Variants in FTCD observed in about 807,000 individuals in gnomAD.
FTCD encodes the protein formimidoyltransferase-cyclodeaminase.
Under a neutral mutation model 62.9 loss-of-function variants are expected in FTCD, and 76 were observed. The ratio of observed to expected loss-of-function variants is 1.21; its 90% CI spans 1.00 to 1.46. The LOEUF is 1.46. Among genes scored for constraint, FTCD ranks in the 40% most tolerant of loss-of-function variants. The pLI is 0.00. For synonymous variants in FTCD, 397 were observed against 336.9 expected (o/e 1.18, Z -1.95); for missense variants, 845 against 751.3 (o/e 1.12, Z -1.46).
intron 3 of FTCD, chr21:46,152,549 T>G (rs1201807564): frequency 8.8e-6 from 2 of 226,582 alleles, no homozygotes; most frequent in Non-Finnish European, 1.7e-5. Flanking sequence ...TGGTGCAGCC[T>G]AGGGGTGGGT....
At chr21:46,142,605 C>T (rs1198778663) in intron 10 of FTCD, 1 of 152,264 alleles carries the variant, frequency 6.6e-6, no homozygotes, top group African/African-American at 2.4e-5. Context: ...TGTTACAGGT[C>T]GTAAAGGTAG....
At chr21:46,138,761 C>T in intron 11 of FTCD, 115 bp from the exon 12 acceptor site, 1 of 1,453,728 alleles carries the variant, frequency 6.9e-7, no homozygotes, top group Non-Finnish European at 9.6e-7. Flanking sequence ...GAAGTCATTC[C>T]CAAACACCCA....
Position 46,143,710 on chromosome 21 carries a change from C to A in FTCD, c.1260+1707G>T, listed in dbSNP as rs138428420. On this transcript the variant is annotated intron_variant, in intron 10 of 13. Coordinates refer to ENST00000397746, the MANE Select transcript of FTCD (RefSeq NM_206965.2). ...CTCCTTGGTCTAGCGGTAAGGCCAGCGTCTGGGAAGGCGCCCGTTACCAAG... is the reference window on the plus strand; with the variant it reads ...CTCCTTGGTCTAGCGGTAAGGCCAGAGTCTGGGAAGGCGCCCGTTACCAAG... Among the ~76,000 whole-genome samples the A allele has an allele frequency of 4.6e-3, 695 of 152,278 alleles. 5 individuals are homozygous for A. The highest frequency in any genetic ancestry group is 0.016 in the African/African-American group (667 of 41,546).
Position 46,154,306 on chromosome 21 carries a change from G to A in FTCD, c.81C>T (p.Ile27=). The A allele has an allele frequency of 1.2e-6, 2 of 1,611,360 alleles. No individual in the cohort carries two copies. Among genetic ancestry groups the A allele is most frequent in the Non-Finnish European group, 1.7e-6 (2 of 1,179,648 alleles). The change falls in exon 2 of 14, where the codon ATC becomes ATT. Residue 27 remains isoleucine, a synonymous_variant. Coordinates refer to ENST00000397746, the MANE Select transcript of FTCD (RefSeq NM_206965.2). ...GCAGCACGCAGCCCGGGGTCTGTGT[G>A]ATGGCTCCAGAGATGGCGTCGATCA... ...QEVIDAISGA[I]TQTPGCVLLD... is the part of the protein sequence containing the mutation.
At position 46,147,354 on chromosome 21, in the gene FTCD, C is replaced by T. The variant is rs141064386; in HGVS notation, c.907-1027G>A. ...CACCCTGACAGGGCTGCAGGCCTCA[C>T]CCGACACCGAATTCACTCTTGTGTG... On this transcript the variant is annotated intron_variant, in intron 7 of 13. Coordinates refer to ENST00000397746, the MANE Select transcript of FTCD (RefSeq NM_206965.2). 2.3e-3 allele frequency among the ~76,000 whole-genome samples: 349 copies of T among 152,138 alleles called. 2 individuals are homozygous for T. Among genetic ancestry groups the T allele is most frequent in the African/African-American group, 7.6e-3 (315 of 41,486 alleles).
At chr21:46,149,811 G>A (rs1475786439) in intron 7 of FTCD, among the ~76,000 whole-genome samples, 2 of 152,282 alleles carry the variant, frequency 1.3e-5, no homozygotes, top group South Asian at 2.1e-4. Context: ...AGGACGCCCC[G>A]ATGGAGGTGG....
At chr21:46,152,056 G>C in intron 3 of FTCD, 76 bp from the exon 4 acceptor site, 1 of 1,052,056 alleles carries the variant, frequency 9.5e-7, no homozygotes, top group Non-Finnish European at 1.4e-6. Context: ...GCAGGTGGAG[G>C]GGCTCCCTCC....
At chr21:46,145,011 C>G (rs974703705) in intron 10 of FTCD, among the ~76,000 whole-genome samples, 2 of 152,044 alleles carry the variant, frequency 1.3e-5, no homozygotes, top group African/African-American at 4.8e-5. Context: ...TCTGGCCTGC[C>G]TGAGAGCACT....
chr21:46,144,869 C>T (rs1316122607), intron 10 of FTCD, among the ~76,000 whole-genome samples: 1 of 150,680 alleles, frequency 6.6e-6, no homozygotes, highest in African/African-American at 2.4e-5. Flanking sequence ...CAGCACCCAT[C>T]TGTGGGCACA....
At position 46,137,274 on chromosome 21, in the gene FTCD, G is replaced by C; in HGVS notation, c.1504C>G (p.Leu502Val). Reference protein sequence around the residue: ...FGAYFNVLINLRDITDEAFKD... With the variant: ...FGAYFNVLINVRDITDEAFKD... Reference sequence around the variant, plus strand: ...AATGCCTCGTCTGTGATGTCCCTCAGGTTGATGAGCACGTTGAAATATGCG... The same window carrying C: ...AATGCCTCGTCTGTGATGTCCCTCACGTTGATGAGCACGTTGAAATATGCG... Residue 502 changes from leucine (L) to valine (V), a missense_variant, in exon 13 of 14, where the codon CTG (leucine) becomes GTG (valine). Transcript: ENST00000397746. The C allele has an allele frequency of 6.2e-7, 1 of 1,613,710 alleles. No homozygotes were observed. Among genetic ancestry groups the C allele is most frequent in the East Asian group, 2.2e-5 (1 of 44,880 alleles).
Position 46,152,916 on chromosome 21 carries a change from C to T in FTCD, c.358G>A (p.Asp120Asn), listed in dbSNP as rs1278851273. The change falls in exon 3 of 14, where the codon GAC becomes AAC. Residue 120 changes from aspartate to asparagine, a missense_variant. Physicochemically the swap from Asp to Asn is conservative, Grantham distance 23. Transcript: ENST00000397746. The part of the protein sequence containing the change: ...AFGQRLAEEL[D>N]VPVYLYGEAA... ...GGGGGGGCACGCTCACCTGGCACGT[C>T]CAGCTCCTCTGCCAGCCTCTGGCCA... is the stretch of plus-strand genomic sequence containing the variant. 4.5e-6 allele frequency: 7 copies of T among 1,570,668 alleles called. No individual in the cohort carries two copies. The highest frequency in any genetic ancestry group is 5.2e-6 in the Non-Finnish European group (6 of 1,158,454).
At position 46,138,635 on chromosome 21, in the gene FTCD, G is replaced by A. The variant is rs2078924875; in HGVS notation, c.1316C>T (p.Ala439Val). 1.3e-6 allele frequency: 2 copies of A among 1,594,392 alleles called. No individual in the cohort carries two copies. The highest frequency in any genetic ancestry group is 1.7e-6 in the Non-Finnish European group (2 of 1,177,414). ...TPEEKDRRTA[A>V]LQEGLRRAVS... ...TGCCCGCCTCAGACCCTCCTGTAGG[G>A]CCGCCGTGCGCCTGAAAGGAGCAAG... Residue 439 changes from alanine to valine, a missense_variant, in exon 12 of 14, where the codon GCC becomes GTC. By Grantham distance (64) the Ala-to-Val change is moderately conservative. Transcript: ENST00000397746.
intron 7 of FTCD, among the ~76,000 whole-genome samples, chr21:46,148,612 C>T (rs1423583550): frequency 6.6e-6 from 1 of 152,164 alleles, no homozygotes; most frequent in East Asian, 1.9e-4. Flanking sequence ...GAGCAAGACC[C>T]TGTCTCAAAA....
chr21:46,141,102 T>G (rs1440141010), intron 10 of FTCD, among the ~76,000 whole-genome samples: 1 of 151,984 alleles, frequency 6.6e-6, no homozygotes, highest in Non-Finnish European at 1.5e-5. Flanking sequence ...CACCTTATTT[T>G]AAATTTCTAA....
At position 46,153,020 on chromosome 21, in the gene FTCD, A is replaced by G; in HGVS notation, c.254T>C (p.Met85Thr). The change falls in exon 3 of 14, where the codon ATG becomes ACG. Residue 85 changes from methionine (M) to threonine (T), a missense_variant. Physicochemically the swap from Met to Thr is moderately conservative, Grantham distance 81. Transcript: ENST00000397746. Reference protein sequence around the residue: ...MSRHQGEHPRMGALDVCPFIP... With the variant: ...MSRHQGEHPRTGALDVCPFIP... ...GAAGGGGCAGACGTCTAGGGCCCCCATGCGGGGGTGCTCTCCTGCAGAGAG... is the reference window on the plus strand; with the variant it reads ...GAAGGGGCAGACGTCTAGGGCCCCCGTGCGGGGGTGCTCTCCTGCAGAGAG... 4.5e-6 allele frequency: 7 copies of G among 1,549,280 alleles called. No homozygotes were observed. Among genetic ancestry groups the G allele is most frequent in the Non-Finnish European group, 5.2e-6 (6 of 1,146,804 alleles).
chr21:46,151,967 G>T lies in FTCD; in HGVS notation c.381C>A (p.Gly127=). 6.4e-7 allele frequency: 1 copy of T among 1,566,662 alleles called. No homozygotes were observed. Among genetic ancestry groups the T allele is most frequent in the Non-Finnish European group, 8.6e-7 (1 of 1,156,232 alleles). The change falls in exon 4 of 14, where the codon GGC becomes GGA. Residue 127 remains glycine, a synonymous_variant. Transcript: ENST00000397746. ...GGCGACTGTCCATCCTGGCTGCCTC[G>T]CCGTACAGGTAAACTGCAGGAGAGC... ...EELDVPVYLY[G]EAARMDSRRT...
intron 10 of FTCD, 58 bp downstream of exon 10, chr21:46,145,359 C>G (rs1299958566): frequency 6.9e-7 from 1 of 1,442,220 alleles, no homozygotes; most frequent in South Asian, 1.3e-5. Flanking sequence ...CACTGGGGCC[C>G]CAGCTGGGGG....
At position 46,150,150 on chromosome 21, in the gene FTCD, A is replaced by G; in HGVS notation, c.875T>C (p.Phe292Ser). The G allele has an allele frequency of 1.9e-6, 3 of 1,601,342 alleles. No individual in the cohort carries two copies. Among genetic ancestry groups the G allele is most frequent in the Non-Finnish European group, 2.6e-6 (3 of 1,173,642 alleles). Residue 292 changes from phenylalanine (F) to serine (S), a missense_variant, in exon 7 of 14, where the codon TTC (phenylalanine) becomes TCC (serine). Transcript: ENST00000397746. Reference protein sequence around the residue: ...AAFYCEKENLFILEEEQRIRL... With the variant: ...AAFYCEKENLSILEEEQRIRL... ...GATCCGCTGCTCCTCCTCCAGGATG[A>G]AGAGGTTCTCCTTCTCGCAGTAGAA... is the stretch of plus-strand genomic sequence containing the variant.
intron 1 of FTCD, 107 bp downstream of exon 1, chr21:46,155,363 G>T (rs1171873438): frequency 1.2e-5 from 11 of 956,416 alleles, no homozygotes; most frequent in Non-Finnish European, 1.8e-5. Flanking sequence ...CCCATCCTGG[G>T]AAGACGACCC....
Sources: gnomAD v4.1 joint callset for allele counts (sites outside exome capture counted in the v4.1 genomes callset) on GRCh38, gnomAD v4.1.1 for gene constraint, MANE v1.5 for transcripts, NCBI Gene and HGNC (gene_info 2026-07-23, HGNC 2026-07-21) for gene names.